The following HIP1 variants were observed in gnomAD, a reference collection of about 807,000 sequenced individuals.
HIP1 encodes the protein huntingtin-interacting protein 1.
A neutral mutation model predicts 147.6 loss-of-function variants in HIP1; 65 were observed. The observed-to-expected ratio is 0.44, with a 90% CI of 0.36 to 0.54. The LOEUF (loss-of-function observed/expected upper bound fraction) is 0.54, where lower values mean the gene tolerates loss of function less well. Ranked by LOEUF, HIP1 falls within the 20% of genes least tolerant of loss-of-function variation. HIP1 has a pLI of 0.00. For synonymous variants in HIP1, 479 were observed against 504.0 expected, an observed-to-expected ratio of 0.95 and a Z score of 0.67; for missense variants, 1,061 against 1,299.6, an observed-to-expected ratio of 0.82 and a Z score of 2.82.
chr7:75,667,312 C>A (rs1799591954), intron 1 of HIP1, among the ~76,000 whole-genome samples: 1 of 152,020 alleles, frequency 6.6e-6, no homozygotes, highest in Non-Finnish European at 1.5e-5. Flanking sequence ...ATTTAGAAGA[C>A]CTGGATTCAG....
rs1220392761 is a variant in HIP1, at chr7:75,610,908, CT to C, written c.121-11662del. Among the ~76,000 whole-genome samples the C allele has an allele frequency of 7.8e-3, 1,123 of 144,406 alleles. 18 individuals carry two copies. Among genetic ancestry groups the C allele is most frequent in the African/African-American group, 0.019 (759 of 39,828 alleles). 94.7% of individuals were successfully genotyped at this position (144,406 alleles called of 152,430 possible). A position where few individuals can be genotyped will look rare whatever the true frequency, so the allele number is the denominator to read the frequency against. ...ATTATTTATATAAAATATATATATA[CT>C]TTTTTTTTTGAGATGGGAGTTTCAC... On this transcript the variant is annotated intron_variant, in intron 1 of 30. Coordinates refer to ENST00000336926, the MANE Select transcript of HIP1 (RefSeq NM_005338.7).
chr7:75,688,216 A>G (rs984386718), intron 1 of HIP1, among the ~76,000 whole-genome samples: 8 of 152,064 alleles, frequency 5.3e-5, no homozygotes, highest in Admixed American at 1.3e-4. Flanking sequence ...GTGGGCCACA[A>G]TCCGGGAGGT....
chr7:75,727,405 TTTC>T (rs1176974970), intron 1 of HIP1, among the ~76,000 whole-genome samples: 4 of 151,670 alleles, frequency 2.6e-5, no homozygotes. Context: ...CTTTTCTTTC[TTTC>T]TTTTTTTTTT....
At chr7:75,710,335 C>T (rs1801134672) in intron 1 of HIP1, among the ~76,000 whole-genome samples, 1 of 152,068 alleles carries the variant, frequency 6.6e-6, no homozygotes, top group Non-Finnish European at 1.5e-5. Flanking sequence ...TAAGTTAAAC[C>T]ATCCTTGCAT....
chr7:75,636,363 A>G (rs1394279612), intron 1 of HIP1, among the ~76,000 whole-genome samples: 5 of 152,150 alleles, frequency 3.3e-5, no homozygotes, highest in Admixed American at 2.6e-4. Flanking sequence ...AAAAAAAAAA[A>G]AAAATCACGC....
Position 75,534,993 on chromosome 7 carries a change from A to G in HIP1, c.*3179T>C, listed in dbSNP as rs1322924551. On this transcript the variant is annotated 3_prime_UTR_variant, in exon 31 of 31. Transcript: ENST00000336926. Reference sequence around the variant, plus strand: ...CGTTTTAATCCAAGGTGTGTCATTAAATAGCTCTTCATCTTCATTTTTAGA... The same window carrying G: ...CGTTTTAATCCAAGGTGTGTCATTAGATAGCTCTTCATCTTCATTTTTAGA... The G allele has an allele frequency of 4.8e-6, 1 of 207,484 alleles. No homozygotes were observed. The highest frequency in any genetic ancestry group is 2.3e-5 in the African/African-American group (1 of 43,894). The allele number at this position is 207,484 out of a possible 1,614,324, so 12.9% of individuals were successfully genotyped here.
chr7:75,563,352 T>C, intron 9 of HIP1, 89 bp from the exon 10 acceptor site: 1 of 1,134,138 alleles, frequency 8.8e-7, no homozygotes. Flanking sequence ...TCCTGCCCCC[T>C]CCCCAGCCCA....
rs1316518478 is a variant in HIP1, at chr7:75,664,123, C to T, written c.121-64876G>A. Among the ~76,000 whole-genome samples, 2 of 127,470 alleles carry T rather than the reference C, an allele frequency of 1.6e-5. 1 individual carries two copies. The highest frequency in any genetic ancestry group is 3.4e-5 in the Non-Finnish European group (2 of 59,644). 83.6% of individuals were successfully genotyped at this position (127,470 alleles called of 152,430 possible). On this transcript the variant is annotated intron_variant, in intron 1 of 30. Coordinates refer to ENST00000336926, the MANE Select transcript of HIP1 (RefSeq NM_005338.7). ...GCATACATACATGTATGCATATATG[C>T]ACACACATGTGTGTACATACATACA...
intron 8 of HIP1, among the ~76,000 whole-genome samples, chr7:75,569,939 CT>C (rs35481189): frequency 2.8e-3 from 405 of 145,618 alleles, no homozygotes; most frequent in Middle Eastern, 0.011. Flanking sequence ...AAAGTACGAA[CT>C]TTTTTTTTTT....
At position 75,738,845 on chromosome 7, in the gene HIP1, C is replaced by A. The variant is rs1554523967; in HGVS notation, c.76G>T (p.Ala26Ser). 6.3e-7 allele frequency: 1 copy of A among 1,592,088 alleles called. No individual in the cohort carries two copies. The highest frequency in any genetic ancestry group is 1.7e-5 in the Admixed American group (1 of 57,966). ...TCGCGCTCCGCCGCCTCCAGCCCAG[C>A]GCCGACCCCGCGCCGGCTCAGCACC... ...PKVLSRRGVG[A>S]GLEAAERESF... Residue 26 changes from alanine to serine, a missense_variant, in exon 1 of 31, where the codon GCT (alanine) becomes TCT (serine). Ala to Ser is a moderately conservative substitution (Grantham distance 99, BLOSUM62 1). This residue lies in a region of HIP1 where 225 missense variants were observed against 292.9 expected (regional missense o/e 0.77). Transcript: ENST00000336926.
intron 1 of HIP1, among the ~76,000 whole-genome samples, chr7:75,637,988 C>A (rs868971131): frequency 0.048 from 2,330 of 48,218 alleles, 290 homozygotes; most frequent in African/African-American, 0.2. Context: ...CCCCCCCCCC[C>A]CCCCCACACA....
At chr7:75,544,493 T>C (rs1204167852) in intron 27 of HIP1, among the ~76,000 whole-genome samples, 1 of 152,198 alleles carries the variant, frequency 6.6e-6, no homozygotes, top group Non-Finnish European at 1.5e-5. Context: ...AAGTACCATC[T>C]AACCTAGCCA....
intron 1 of HIP1, among the ~76,000 whole-genome samples, chr7:75,637,977 ACCCCCCC>A (rs548189788): frequency 4.1e-4 from 16 of 38,666 alleles, no homozygotes; most frequent in East Asian, 1.0e-3. Context: ...GCAGACCCAG[ACCCCCCC>A]CCCCCCCCCA....
intron 1 of HIP1, among the ~76,000 whole-genome samples, chr7:75,728,252 C>T (rs1383929178): frequency 6.6e-6 from 1 of 152,192 alleles, no homozygotes; most frequent in Admixed American, 6.6e-5. Context: ...AGAAAAGATG[C>T]CATTCTCTCT....
intron 29 of HIP1, among the ~76,000 whole-genome samples, chr7:75,541,327 G>A (rs1363802480): frequency 1.3e-5 from 2 of 152,062 alleles, no homozygotes; most frequent in South Asian, 2.1e-4. Context: ...TCAGGAGATC[G>A]AGACCATCCT....
At chr7:75,737,374 G>A (rs782255787) in intron 1 of HIP1, among the ~76,000 whole-genome samples, 4 of 151,142 alleles carry the variant, frequency 2.6e-5, no homozygotes, top group Admixed American at 1.3e-4. Context: ...ACGGAGTTTC[G>A]CTCTTGTTGC....
chr7:75,669,648 C>G (rs1344691988), intron 1 of HIP1, among the ~76,000 whole-genome samples: 1 of 152,144 alleles, frequency 6.6e-6, no homozygotes, highest in East Asian at 1.9e-4. Flanking sequence ...CCGGCAAGTG[C>G]TAATCTACTT....
intron 1 of HIP1, among the ~76,000 whole-genome samples, chr7:75,643,085 C>T (rs1452262514): frequency 6.6e-6 from 1 of 152,182 alleles, no homozygotes; most frequent in African/African-American, 2.4e-5. Flanking sequence ...ACTGGTGAGT[C>T]GAGATTCTGC....
chr7:75,688,934 C>T (rs977219565), intron 1 of HIP1, among the ~76,000 whole-genome samples: 4 of 152,184 alleles, frequency 2.6e-5, no homozygotes, highest in Non-Finnish European at 2.9e-5. Flanking sequence ...CCTGCAGCCA[C>T]GCGCAGGACC....
Sources: gnomAD v4.1 joint callset for allele counts (sites outside exome capture counted in the v4.1 genomes callset) on GRCh38, gnomAD v4.1.1 for gene constraint, gnomAD v4.1.1 regional missense constraint, MANE v1.5 for transcripts, NCBI Gene and HGNC (gene_info 2026-07-23, HGNC 2026-07-21) for gene names.